RECQL5: variants seen among roughly 807,000 people sequenced by gnomAD.
RECQL5 encodes the protein ATP-dependent DNA helicase Q5.
In RECQL5, 88 loss-of-function variants were observed where a neutral mutation model predicts 103.4. The ratio of observed to expected loss-of-function variants is 0.85; its 90% CI spans 0.72 to 1.02. The LOEUF is 1.02. RECQL5 is among the 50% of genes least tolerant of loss of function. RECQL5 has a pLI of 0.00. For synonymous variants in RECQL5, 552 were observed against 507.9 expected (o/e 1.09, Z -1.17); for missense variants, 1,232 against 1,284.3 (o/e 0.96, Z 0.62).
chr17:75,648,528 G>A (rs533734581), intron 8 of RECQL5, among the ~76,000 whole-genome samples: 22 of 150,174 alleles, frequency 1.5e-4, no homozygotes, highest in East Asian at 5.9e-4. Context: ...TCCCACCACC[G>A]TGACCGGCTA....
intron 3 of RECQL5, among the ~76,000 whole-genome samples, chr17:75,664,791 T>C (rs956756084): frequency 6.6e-6 from 1 of 150,998 alleles, no homozygotes; most frequent in East Asian, 1.9e-4. Context: ...CATACACCTG[T>C]AATCCCAGCT....
intron 8 of RECQL5, chr17:75,647,684 T>C (rs950296115): frequency 1.0e-6 from 1 of 970,794 alleles, no homozygotes; most frequent in Non-Finnish European, 1.5e-6. Context: ...TGTCTTCCTT[T>C]CCCATCAGGA....
chr17:75,650,650 G>A (rs776216933), intron 8 of RECQL5: 21 of 1,613,680 alleles, frequency 1.3e-5, no homozygotes, highest in South Asian at 3.3e-5. Context: ...TCACAGCTCC[G>A]CATGCCTGGA....
At chr17:75,641,024 C>T (rs1232538825) in intron 8 of RECQL5, 19 of 1,449,010 alleles carry the variant, frequency 1.3e-5, no homozygotes, top group Non-Finnish European at 1.7e-5. Context: ...CTGGCCCAGC[C>T]CAGGTACCTG....
chr17:75,655,174 C>T (rs820212), intron 7 of RECQL5, among the ~76,000 whole-genome samples: 52,959 of 152,018 alleles, frequency 0.35, 9,675 homozygotes, highest in East Asian at 0.55. Context: ...TTTGTTCAAG[C>T]GATTTTCCTA....
chr17:75,634,196 C>A (rs1454249739), intron 8 of RECQL5: 1 of 985,546 alleles, frequency 1.0e-6, no homozygotes, highest in African/African-American at 1.7e-5. Context: ...AACACCTGAG[C>A]TCCCAGGTGA....
chr17:75,630,726 T>G (rs1360322853), intron 12 of RECQL5, 34 bp from the exon 13 acceptor site: 1 of 1,607,406 alleles, frequency 6.2e-7, no homozygotes, highest in Non-Finnish European at 8.5e-7. Flanking sequence ...TCGCATGGCC[T>G]CGCGGCTGGG....
chr17:75,634,024 G>T (rs1180410776), intron 8 of RECQL5: 2 of 985,438 alleles, frequency 2.0e-6, no homozygotes, highest in Non-Finnish European at 2.4e-6. Flanking sequence ...TTTGACACTT[G>T]GATCTCCAGG....
At chr17:75,666,092 C>T (rs8080495) in intron 2 of RECQL5, among the ~76,000 whole-genome samples, 57 of 152,252 alleles carry the variant, frequency 3.7e-4, no homozygotes, top group African/African-American at 1.1e-3. Flanking sequence ...GTAAATCTAG[C>T]TATGAAATAT....
At chr17:75,647,433 CT>C in intron 8 of RECQL5, 3 of 1,550,134 alleles carry the variant, frequency 1.9e-6, no homozygotes, top group Non-Finnish European at 2.6e-6. Flanking sequence ...GGCAGAACCC[CT>C]GGGACCAGGG....
intron 3 of RECQL5, among the ~76,000 whole-genome samples, chr17:75,663,334 T>C (rs1295630035): frequency 6.6e-6 from 1 of 152,032 alleles, no homozygotes; most frequent in East Asian, 1.9e-4. Flanking sequence ...ATATTTTTAA[T>C]AATTTTGACA....
chr17:75,640,163 C>G lies in RECQL5; in HGVS notation c.1230-8495G>C, dbSNP rs1474234724. On this transcript the variant is annotated intron_variant, in intron 8 of 19. Coordinates refer to ENST00000317905, the MANE Select transcript of RECQL5 (RefSeq NM_004259.7). The surrounding 1 kb of genome is among the most constrained non-coding windows in gnomAD (Gnocchi z 4.6). ...GCTCCAGGTGTTCTCTCTGCCCCAG[C>G]AGAGCCCGGCAGGAGCCCCAACAGG... The G allele has an allele frequency of 2.0e-6, 3 of 1,518,682 alleles. No individual in the cohort carries two copies. Among genetic ancestry groups the G allele is most frequent in the African/African-American group, 1.4e-5 (1 of 72,350 alleles). 94.1% of individuals were successfully genotyped at this position (1,518,682 alleles called of 1,614,324 possible).
intron 14 of RECQL5, among the ~76,000 whole-genome samples, 163 bp downstream of exon 14, chr17:75,630,021 C>T (rs911727187): frequency 6.6e-6 from 1 of 152,080 alleles, no homozygotes; most frequent in Non-Finnish European, 1.5e-5. Flanking sequence ...GAAACATGTC[C>T]AGCCAGTGGA....
chr17:75,646,114 AC>A (rs1465388401), intron 8 of RECQL5: 1 of 152,278 alleles, frequency 6.6e-6, no homozygotes, highest in African/African-American at 2.4e-5. Context: ...GTGGGCAGAA[AC>A]CAACCACACA....
At position 75,630,266 on chromosome 17, in the gene RECQL5, C is replaced by T. The variant is rs199975622; in HGVS notation, c.1730G>A (p.Arg577Gln). 1.8e-4 allele frequency: 279 copies of T among 1,558,562 alleles called. No individual in the cohort carries two copies. Among genetic ancestry groups the T allele is most frequent in the Non-Finnish European group, 2.2e-4 (254 of 1,150,446 alleles). ...ATGTTCCAGCTCCACGGCCTTGGCC[C>T]GGAGGTCAGCTCTGTGGGTGCAAGG... ...STRTADEADL[R>Q]AKAVELEHET... The change falls in exon 14 of 20, where the codon CGG becomes CAG. Residue 577 changes from arginine to glutamine, a missense_variant. By Grantham distance (43) the Arg-to-Gln change is conservative. Coordinates refer to ENST00000317905, the MANE Select transcript of RECQL5 (RefSeq NM_004259.7).
intron 7 of RECQL5, among the ~76,000 whole-genome samples, chr17:75,656,689 T>G (rs1179259125): frequency 6.6e-6 from 1 of 152,036 alleles, no homozygotes; most frequent in Non-Finnish European, 1.5e-5. Context: ...TGCTGTTGTC[T>G]TCTCTCCTAC....
intron 7 of RECQL5, among the ~76,000 whole-genome samples, chr17:75,657,551 A>G (rs978410914): frequency 6.6e-6 from 1 of 151,950 alleles, no homozygotes; most frequent in Non-Finnish European, 1.5e-5. Flanking sequence ...GAGTCATGAG[A>G]CCAGTCTGGG....
chr17:75,632,325 G>A (rs915675981), intron 8 of RECQL5, among the ~76,000 whole-genome samples: 1 of 152,248 alleles, frequency 6.6e-6, no homozygotes, highest in African/African-American at 2.4e-5. Context: ...AAGCTGTAGC[G>A]CATGGCCTGG....
rs534044656 is a variant in RECQL5 at position 75,639,915 on chromosome 17, C to A, written c.1230-8247G>T. 8.6e-6 allele frequency: 3 copies of A among 347,994 alleles called. No individual in the cohort carries two copies. In the East Asian group the frequency reaches 1.5e-4, roughly 18 times the overall value. 21.6% of individuals were successfully genotyped at this position (347,994 alleles called of 1,614,324 possible). Reference sequence around the variant, plus strand: ...AGCGAAGCCAGAAACCACCACCAGCCGCCGCCTTGGCCGGCAGCCCCCGAA... The same window carrying A: ...AGCGAAGCCAGAAACCACCACCAGCAGCCGCCTTGGCCGGCAGCCCCCGAA... On this transcript the variant is annotated intron_variant, in intron 8 of 19. Coordinates refer to ENST00000317905, the MANE Select transcript of RECQL5 (RefSeq NM_004259.7).
Sources: allele counts gnomAD v4.1 joint callset (sites outside exome capture counted in the v4.1 genomes callset), GRCh38; gene constraint gnomAD v4.1.1; non-coding constraint Gnocchi (gnomAD v3.1); transcripts MANE v1.5; gene names NCBI Gene and HGNC (gene_info 2026-07-23, HGNC 2026-07-21).